The following UNC13C variants were observed in gnomAD, a reference collection of about 807,000 sequenced individuals.
UNC13C encodes the protein protein unc-13 homolog C.
UNC13C carries 174 observed loss-of-function variants against 245.4 expected under a neutral mutation model. The ratio of observed to expected loss-of-function variants is 0.71; its 90% CI spans 0.63 to 0.80. UNC13C has a LOEUF of 0.80. Among genes scored for constraint, UNC13C ranks in the 30% least tolerant of loss-of-function variants. The probability of loss-of-function intolerance (pLI) is 0.00; values close to 1 mark genes in which losing one functional copy is unlikely to be tolerated. For missense variants in UNC13C, 2,829 were observed against 2,602.9 expected (o/e 1.09, Z -1.89); for synonymous variants, 992 against 895.1 (o/e 1.11, Z -1.93).
chr15:54,508,578 C>A (rs912922527), intron 23 of UNC13C, among the ~76,000 whole-genome samples: 16 of 152,208 alleles, frequency 1.1e-4, no homozygotes, highest in African/African-American at 3.9e-4. Flanking sequence ...TTTTCCTTCC[C>A]TCAGTGCTTT....
Position 54,455,175 on chromosome 15 carries a change from C to CTCTCTCTCTCTCTCTA in UNC13C, c.4934-39418_4934-39417insATCTCTCTCTCTCTCT, listed in dbSNP as rs1361229956. ...GGCTGAGTCATATTCCTCTCTCTCT[C>CTCTCTCTCTCTCTCTA]TCTCTCTCTCTCTCTCTCTCTCTCT... On this transcript the variant is annotated intron_variant, in intron 19 of 32. Coordinates refer to ENST00000260323, the MANE Select transcript of UNC13C (RefSeq NM_001080534.3). Among the ~76,000 whole-genome samples, 18 of 32,112 alleles carry CTCTCTCTCTCTCTCTA rather than the reference C, an allele frequency of 5.6e-4. 2 individuals are homozygous for CTCTCTCTCTCTCTCTA. Among genetic ancestry groups the CTCTCTCTCTCTCTCTA allele is most frequent in the African/African-American group, 1.3e-3 (13 of 9,878 alleles). 21.1% of individuals were successfully genotyped at this position (32,112 alleles called of 152,430 possible).
intron 10 of UNC13C, among the ~76,000 whole-genome samples, chr15:54,291,900 T>G (rs2037308154): frequency 6.6e-6 from 1 of 152,012 alleles, no homozygotes; most frequent in Non-Finnish European, 1.5e-5. Flanking sequence ...ACTAAAAGTA[T>G]TCTAATATGT....
chr15:54,589,308 T>A, intron 30 of UNC13C, among the ~76,000 whole-genome samples: 1 of 125,802 alleles, frequency 7.9e-6, no homozygotes, highest in African/African-American at 3.0e-5. Context: ...TTTTTTTTTT[T>A]TTTTTTTTGA....
chr15:54,032,344 G>A (rs150536864), intron 2 of UNC13C, among the ~76,000 whole-genome samples: 46 of 152,266 alleles, frequency 3.0e-4, no homozygotes, highest in Middle Eastern at 3.4e-3. Context: ...TTACAAGGCC[G>A]GATAAACATG....
At chr15:54,383,119 A>G (rs1455742118) in intron 17 of UNC13C, among the ~76,000 whole-genome samples, 3 of 152,190 alleles carry the variant, frequency 2.0e-5, no homozygotes, top group Admixed American at 6.6e-5. Context: ...CCAAACATAT[A>G]AAGAAGAATG....
chr15:54,554,346 G>A (rs1168231647), intron 28 of UNC13C, among the ~76,000 whole-genome samples: 2 of 152,030 alleles, frequency 1.3e-5, no homozygotes, highest in African/African-American at 4.8e-5. Context: ...TGTGCATTAT[G>A]CAAAAATGCA....
rs140607841 is a variant in UNC13C at position 54,600,371 on chromosome 15, C to T, written c.6107-21956C>T. On this transcript the variant is annotated intron_variant, in intron 30 of 32. Transcript: ENST00000260323. ...CGGGATGAGAGCATTTTTCCATGAA[C>T]AGAAAATGGTATCACCAAAGGCAAA... Among the ~76,000 whole-genome samples the T allele has an allele frequency of 5.5e-3, 837 of 152,028 alleles. 10 individuals carry two copies. The highest frequency in any genetic ancestry group is 0.019 in the African/African-American group (800 of 41,482).
intron 19 of UNC13C, among the ~76,000 whole-genome samples, chr15:54,448,612 T>C (rs920090712): frequency 3.9e-5 from 6 of 152,198 alleles, no homozygotes; most frequent in African/African-American, 1.4e-4. Context: ...CCTTTTTTTG[T>C]TCTCCATTTG....
At chr15:54,413,543 G>A (rs1046088773) in intron 18 of UNC13C, among the ~76,000 whole-genome samples, 1 of 152,062 alleles carries the variant, frequency 6.6e-6, no homozygotes, top group African/African-American at 2.4e-5. Context: ...TAATTTATAT[G>A]TATTCAGATT....
chr15:54,020,155 G>T (rs1448287079), intron 2 of UNC13C, among the ~76,000 whole-genome samples: 1 of 152,164 alleles, frequency 6.6e-6, no homozygotes, highest in Admixed American at 6.5e-5. Context: ...CATTTGAAGA[G>T]CACTACTAAA....
intron 17 of UNC13C, among the ~76,000 whole-genome samples, chr15:54,350,433 T>C (rs2038957140): frequency 6.6e-6 from 1 of 151,820 alleles, no homozygotes; most frequent in African/African-American, 2.4e-5. Context: ...TAGAAAGAAA[T>C]AGAAAGATAA....
intron 14 of UNC13C, among the ~76,000 whole-genome samples, chr15:54,329,567 A>G (rs1471582125): frequency 6.6e-6 from 1 of 152,060 alleles, no homozygotes; most frequent in African/African-American, 2.4e-5. Context: ...TCCACAAATC[A>G]CACCCTACAG....
intron 26 of UNC13C, 73 bp downstream of exon 26, chr15:54,533,139 T>C (rs74016655): frequency 0.028 from 32,662 of 1,154,472 alleles, 2,574 homozygotes; most frequent in African/African-American, 0.24. Context: ...AGAAAAACAT[T>C]GTTTTCCTCT....
At chr15:54,087,887 G>C (rs374924503) in intron 2 of UNC13C, among the ~76,000 whole-genome samples, 12 of 152,042 alleles carry the variant, frequency 7.9e-5, no homozygotes, top group African/African-American at 2.9e-4. Context: ...ACCAATTCTG[G>C]TTAACTTGGA....
chr15:54,037,406 G>A (rs2141026892), intron 2 of UNC13C, among the ~76,000 whole-genome samples: 1 of 152,096 alleles, frequency 6.6e-6, no homozygotes, highest in Admixed American at 6.6e-5. Flanking sequence ...GGTAATAAGA[G>A]TATTTTTCTC....
intron 4 of UNC13C, among the ~76,000 whole-genome samples, chr15:54,149,315 T>C (rs1460812721): frequency 1.3e-5 from 2 of 152,210 alleles, no homozygotes; most frequent in African/African-American, 2.4e-5. Flanking sequence ...TAGTTAGTTA[T>C]TTTTAGGGAA....
chr15:54,219,556 A>G (rs979702608), intron 4 of UNC13C, among the ~76,000 whole-genome samples: 2 of 146,766 alleles, frequency 1.4e-5, no homozygotes, highest in African/African-American at 5.1e-5. Flanking sequence ...CTTCATGTCT[A>G]AAACACCAAA....
chr15:54,173,661 C>G (rs981296438), intron 4 of UNC13C, among the ~76,000 whole-genome samples: 1 of 145,612 alleles, frequency 6.9e-6, no homozygotes, highest in African/African-American at 2.8e-5. Context: ...TCCACAAATA[C>G]AGTTTCATTA....
At chr15:53,891,078 G>T in the UNC13C span, among the ~76,000 whole-genome samples, 4 of 151,982 alleles carry the variant, frequency 2.6e-5, no homozygotes, top group African/African-American at 9.7e-5. Flanking sequence ...TGTTCCCATT[G>T]GTTTCAAGGA....
Sources: allele counts gnomAD v4.1 joint callset (sites outside exome capture counted in the v4.1 genomes callset), GRCh38; gene constraint gnomAD v4.1.1; transcripts MANE v1.5; gene names NCBI Gene and HGNC (gene_info 2026-07-23, HGNC 2026-07-21).